RAC2: variants seen among roughly 807,000 people sequenced by gnomAD.
RAC2 encodes the protein Rac family small GTPase 2.
A neutral mutation model predicts 24.0 loss-of-function variants in RAC2; 1 was observed. The observed-to-expected ratio is 0.04, with a 90% CI of 0.01 to 0.20. The LOEUF is 0.20. Among genes scored for constraint, RAC2 ranks in the 10% least tolerant of loss-of-function variants. RAC2 has a pLI of 1.00. For synonymous variants in RAC2, 114 were observed against 106.8 expected, an observed-to-expected ratio of 1.07 and a Z score of -0.41; for missense variants, 130 against 259.1, an observed-to-expected ratio of 0.50 and a Z score of 3.42.
At chr22:37,243,704 C>T (rs1440648924) in intron 1 of RAC2, among the ~76,000 whole-genome samples, 3 of 152,200 alleles carry the variant, frequency 2.0e-5, no homozygotes, top group African/African-American at 4.8e-5. Flanking sequence ...GGCCACACAG[C>T]GGCACCAAGC....
Sources: gnomAD v4.1 joint callset for allele counts (sites outside exome capture counted in the v4.1 genomes callset) on GRCh38, gnomAD v4.1.1 for gene constraint, MANE v1.5 for transcripts, NCBI Gene and HGNC (gene_info 2026-07-23, HGNC 2026-07-21) for gene names.